Variants in RIMBP2 observed in about 807,000 individuals in gnomAD.
RIMBP2 encodes RIMS-binding protein 2.
Under a neutral mutation model 118.6 loss-of-function variants are expected in RIMBP2, and 48 were observed. The observed-to-expected ratio is 0.40, with a 90% CI of 0.32 to 0.51. The LOEUF (loss-of-function observed/expected upper bound fraction) is 0.51, where lower values mean the gene tolerates loss of function less well. RIMBP2 is among the 20% of genes least tolerant of loss of function. The probability of loss-of-function intolerance (pLI) is 0.41; values close to 1 mark genes in which losing one functional copy is unlikely to be tolerated. For missense variants in RIMBP2, 1,551 were observed against 1,768.3 expected (o/e 0.88, Z 2.20); for synonymous variants, 762 against 742.9 (o/e 1.03, Z -0.42).
intron 4 of RIMBP2, among the ~76,000 whole-genome samples, chr12:130,481,922 A>G (rs1593468015): frequency 1.5e-5 from 2 of 130,906 alleles, no homozygotes; most frequent in African/African-American, 5.5e-5. Flanking sequence ...TTTCCCCCCG[A>G]CCCCCCAAGC....
chr12:130,448,990 T>C (rs1035656956), intron 9 of RIMBP2, among the ~76,000 whole-genome samples: 71 of 152,256 alleles, frequency 4.7e-4, no homozygotes, highest in African/African-American at 1.7e-3. Context: ...TCACCTCCTT[T>C]GCATGAACAG....
chr12:130,676,168 C>G (rs549081928), intron 1 of RIMBP2, among the ~76,000 whole-genome samples: 7 of 152,312 alleles, frequency 4.6e-5, no homozygotes, highest in African/African-American at 1.4e-4. Context: ...TATCAGCCAC[C>G]CCGTTGATGG....
chr12:130,526,147 C>A (rs1007523863), intron 2 of RIMBP2, among the ~76,000 whole-genome samples: 24 of 152,142 alleles, frequency 1.6e-4, no homozygotes, highest in African/African-American at 5.6e-4. Flanking sequence ...CTAGAGACTA[C>A]AGATACAGTC....
chr12:130,480,828 T>C (rs188661440), intron 4 of RIMBP2, among the ~76,000 whole-genome samples: 206 of 152,374 alleles, frequency 1.4e-3, no homozygotes, highest in Non-Finnish European at 2.5e-3. Flanking sequence ...CTGGAACTCC[T>C]GACCTCAGGC....
At chr12:130,651,608 G>T (rs1443339532) in intron 1 of RIMBP2, 1 of 152,218 alleles carries the variant, frequency 6.6e-6, no homozygotes, top group Non-Finnish European at 1.5e-5. Flanking sequence ...CCAGAAGAAA[G>T]CAAAACTTCA....
chr12:130,672,472 T>G (rs1461483148), intron 1 of RIMBP2, among the ~76,000 whole-genome samples: 2 of 152,230 alleles, frequency 1.3e-5, no homozygotes, highest in East Asian at 3.8e-4. Context: ...CTCTCCCAAG[T>G]GCTTCCAAAT....
chr12:130,547,591 A>G (rs2139663745), intron 2 of RIMBP2, among the ~76,000 whole-genome samples: 1 of 152,370 alleles, frequency 6.6e-6, no homozygotes, highest in South Asian at 2.1e-4. Flanking sequence ...GCCTGGCAAC[A>G]GGGTACAGAG....
intron 2 of RIMBP2, among the ~76,000 whole-genome samples, chr12:130,610,654 G>A (rs1395936559): frequency 4.5e-5 from 6 of 132,526 alleles, no homozygotes; most frequent in East Asian, 4.9e-4. Flanking sequence ...TCCGCCTCCC[G>A]GGTTCACGCC....
At chr12:130,504,235 C>A (rs1475907166) in intron 4 of RIMBP2, among the ~76,000 whole-genome samples, 1 of 152,172 alleles carries the variant, frequency 6.6e-6, no homozygotes, top group Non-Finnish European at 1.5e-5. Flanking sequence ...AGGCTCTTCA[C>A]CAGGCTGGCA....
intron 1 of RIMBP2, among the ~76,000 whole-genome samples, chr12:130,699,760 G>T (rs1425545150): frequency 6.6e-6 from 1 of 151,578 alleles, no homozygotes; most frequent in Non-Finnish European, 1.5e-5. Flanking sequence ...ACAAAAATTA[G>T]TCAGCCATGG....
chr12:130,494,652 G>GAAAGA (rs1205229163), intron 4 of RIMBP2, among the ~76,000 whole-genome samples: 3 of 108,506 alleles, frequency 2.8e-5, no homozygotes, highest in Non-Finnish European at 5.6e-5. Flanking sequence ...AAAAAAAAAA[G>GAAAGA]AAAGAAAAGA....
At chr12:130,559,137 T>C (rs914058864) in intron 2 of RIMBP2, among the ~76,000 whole-genome samples, 28 of 152,204 alleles carry the variant, frequency 1.8e-4, no homozygotes, top group African/African-American at 6.5e-4. Context: ...TACTTATTAA[T>C]GTGTCAATCT....
Position 130,447,413 on chromosome 12 carries a change from C to T in RIMBP2, c.582-2144G>A, listed in dbSNP as rs1035300659. 6.6e-6 allele frequency among the ~76,000 whole-genome samples: 1 copy of T among 152,122 alleles called. No homozygotes were observed. The highest frequency in any genetic ancestry group is 2.1e-4 in the South Asian group (1 of 4,828). On this transcript the variant is annotated intron_variant, in intron 9 of 22. Coordinates refer to ENST00000690449, the MANE Select transcript of RIMBP2 (RefSeq NM_001393629.1). The surrounding 1 kb of genome is among the most constrained non-coding windows in gnomAD (Gnocchi z 4.4). Reference sequence around the variant, plus strand: ...CTGCCACGTACTGTGTGGATGAGACCAGGGGACACGTCGGGAATGGGGACT... The same window carrying T: ...CTGCCACGTACTGTGTGGATGAGACTAGGGGACACGTCGGGAATGGGGACT...
intron 2 of RIMBP2, among the ~76,000 whole-genome samples, chr12:130,585,045 C>A (rs1465196584): frequency 6.6e-6 from 1 of 152,098 alleles, no homozygotes; most frequent in Non-Finnish European, 1.5e-5. Flanking sequence ...CCACCATGCC[C>A]AGAAATTTTT....
chr12:130,666,209 A>G (rs1006494232), intron 1 of RIMBP2, among the ~76,000 whole-genome samples: 1 of 152,174 alleles, frequency 6.6e-6, no homozygotes, highest in Non-Finnish European at 1.5e-5. Context: ...ACACAGAAGC[A>G]CACCTGGGAA....
At chr12:130,715,502 C>G (rs1247203494) in intron 1 of RIMBP2, among the ~76,000 whole-genome samples, 2 of 152,210 alleles carry the variant, frequency 1.3e-5, no homozygotes, top group African/African-American at 2.4e-5. Context: ...TGGTCCCGTA[C>G]GCGCTGCCTT....
intron 2 of RIMBP2, among the ~76,000 whole-genome samples, chr12:130,548,788 G>C (rs997933906): frequency 4.0e-5 from 6 of 151,744 alleles, no homozygotes; most frequent in Admixed American, 3.9e-4. Context: ...TGACCAGGCT[G>C]GTCTCAAATT....
At position 130,469,924 on chromosome 12, in the gene RIMBP2, C is replaced by T. The variant is rs564125560; in HGVS notation, c.153+769G>A. Among the ~76,000 whole-genome samples the T allele has an allele frequency of 6.6e-6, 1 of 152,304 alleles. No homozygotes were observed. Among genetic ancestry groups the T allele is most frequent in the South Asian group, 2.1e-4 (1 of 4,824 alleles). On this transcript the variant is annotated intron_variant, in intron 6 of 22. Transcript: ENST00000690449. The surrounding 1 kb of genome is among the most constrained non-coding windows in gnomAD (Gnocchi z 4.8). ...GGGGCCCCAGCTCACTGTAGCCCAG[C>T]CACTGTGCATGATGGATGCAGACAG...
At chr12:130,504,333 A>G (rs1310276604) in intron 4 of RIMBP2, among the ~76,000 whole-genome samples, 1 of 151,764 alleles carries the variant, frequency 6.6e-6, no homozygotes, top group Non-Finnish European at 1.5e-5. Flanking sequence ...GCACCCCCTG[A>G]CTCCTCCCAG....
Sources: gnomAD v4.1 joint callset for allele counts (sites outside exome capture counted in the v4.1 genomes callset) on GRCh38, gnomAD v4.1.1 for gene constraint, Gnocchi (gnomAD v3.1) non-coding constraint, MANE v1.5 for transcripts, NCBI Gene and HGNC (gene_info 2026-07-23, HGNC 2026-07-21) for gene names.